Variants in MAF observed in about 807,000 individuals in gnomAD.
The protein encoded by MAF is MAF bZIP transcription factor.
In MAF, 10 loss-of-function variants were observed where a neutral mutation model predicts 22.0. The observed-to-expected ratio is 0.45, with a 90% CI of 0.28 to 0.77. The LOEUF is 0.77. MAF is among the 30% of genes least tolerant of loss of function. The pLI is 0.12. For missense variants in MAF, 544 were observed against 548.4 expected (o/e 0.99, Z 0.08); for synonymous variants, 337 against 255.8 (o/e 1.32, Z -3.03).
At chr16:79,569,322 C>G in the MAF span, among the ~76,000 whole-genome samples, 1 of 152,172 alleles carries the variant, frequency 6.6e-6, no homozygotes, top group African/African-American at 2.4e-5. Flanking sequence ...CAGACATTGC[C>G]AAATGTCCCT....
chr16:79,310,385 G>C, the MAF span, among the ~76,000 whole-genome samples: 1 of 151,898 alleles, frequency 6.6e-6, no homozygotes, highest in Non-Finnish European at 1.5e-5. Flanking sequence ...CAGAGAGTAA[G>C]AGAGAGAGAG....
the MAF span, among the ~76,000 whole-genome samples, chr16:79,351,300 T>A: frequency 2.0e-5 from 3 of 152,126 alleles, no homozygotes; most frequent in African/African-American, 7.2e-5. Flanking sequence ...TAACAAGGAG[T>A]AGAGGTAGCT....
the MAF span, among the ~76,000 whole-genome samples, chr16:79,365,905 G>A: frequency 6.6e-5 from 10 of 152,356 alleles, 1 homozygote; most frequent in Admixed American, 6.5e-5. Context: ...GAACTCATTA[G>A]TATGTGATCA....
At chr16:79,338,859 C>T in the MAF span, among the ~76,000 whole-genome samples, 2 of 152,114 alleles carry the variant, frequency 1.3e-5, no homozygotes, top group Non-Finnish European at 2.9e-5. Flanking sequence ...GGTGAGCTGT[C>T]CACCTGTGGC....
At chr16:79,445,535 G>C in the MAF span, among the ~76,000 whole-genome samples, 2 of 152,224 alleles carry the variant, frequency 1.3e-5, no homozygotes, top group East Asian at 1.9e-4. Context: ...TGTAAGTCCA[G>C]AGTTCAGGTG....
the MAF span, among the ~76,000 whole-genome samples, chr16:79,361,505 C>G: frequency 6.6e-6 from 1 of 152,146 alleles, no homozygotes; most frequent in Admixed American, 6.6e-5. Context: ...GCACTTTCCC[C>G]CGGATTGAAT....
the MAF span, among the ~76,000 whole-genome samples, chr16:79,484,480 A>C: frequency 6.6e-6 from 1 of 152,216 alleles, no homozygotes; most frequent in Non-Finnish European, 1.5e-5. Context: ...CACAGGGCTG[A>C]GTCCTTACCA....
At chr16:79,234,736 C>A in the MAF span, among the ~76,000 whole-genome samples, 2 of 152,060 alleles carry the variant, frequency 1.3e-5, no homozygotes, top group African/African-American at 4.8e-5. Context: ...GATACCACCC[C>A]CAGCTGTGGA....
chr16:79,437,460 C>G, the MAF span, among the ~76,000 whole-genome samples: 1 of 152,066 alleles, frequency 6.6e-6, no homozygotes, highest in African/African-American at 2.4e-5. Flanking sequence ...TCAAGAATGT[C>G]TCAACTTCAT....
the MAF span, among the ~76,000 whole-genome samples, chr16:79,459,709 A>C: frequency 1.3e-5 from 2 of 151,740 alleles, no homozygotes; most frequent in African/African-American, 4.8e-5. Context: ...ACTAGCTGGG[A>C]CTACAGGTGC....
the MAF span, among the ~76,000 whole-genome samples, chr16:79,368,611 C>T: frequency 3.9e-5 from 6 of 152,140 alleles, no homozygotes; most frequent in Non-Finnish European, 8.8e-5. Context: ...CAAACAGCCT[C>T]CAAGTCCCCA....
chr16:79,568,733 A>G, the MAF span, among the ~76,000 whole-genome samples: 1 of 152,144 alleles, frequency 6.6e-6, no homozygotes, highest in Non-Finnish European at 1.5e-5. Flanking sequence ...CTTTTAGTGG[A>G]CCTACAAATT....
chr16:79,343,257 T>C, the MAF span, among the ~76,000 whole-genome samples: 1 of 150,396 alleles, frequency 6.6e-6, no homozygotes, highest in Non-Finnish European at 1.5e-5. Context: ...CAAAAAAATC[T>C]ATGTGTGTGC....
the MAF span, among the ~76,000 whole-genome samples, chr16:79,211,034 A>AGTGTGTGTGTGTGTGT: frequency 0.019 from 2,904 of 149,674 alleles, 53 homozygotes; most frequent in South Asian, 0.032. Context: ...TATGGTGAGG[A>AGTGTGTGTGTGTGTGT]GTGTGTGTGT....
At chr16:79,372,494 C>T in the MAF span, among the ~76,000 whole-genome samples, 4 of 152,146 alleles carry the variant, frequency 2.6e-5, no homozygotes, top group Non-Finnish European at 5.9e-5. Flanking sequence ...ATATCTGAAA[C>T]AGTTTTCTTG....
the MAF span, among the ~76,000 whole-genome samples, chr16:79,241,274 C>A: frequency 6.6e-6 from 1 of 151,902 alleles, no homozygotes; most frequent in Non-Finnish European, 1.5e-5. Context: ...TAACCCAACG[C>A]AAGGAAGCTA....
intron 1 of MAF, chr16:79,597,711 C>T: frequency 3.9e-6 from 4 of 1,019,822 alleles, no homozygotes; most frequent in Non-Finnish European, 4.7e-6. Flanking sequence ...AGTATGAATG[C>T]CATGCTATAA....
the MAF span, among the ~76,000 whole-genome samples, chr16:79,475,122 T>A: frequency 6.6e-6 from 1 of 152,210 alleles, no homozygotes; most frequent in South Asian, 2.1e-4. Flanking sequence ...AGCTCAGCAG[T>A]GTCCCTTCTC....
chr16:79,270,726 G>A, the MAF span, among the ~76,000 whole-genome samples: 1 of 152,134 alleles, frequency 6.6e-6, no homozygotes, highest in Non-Finnish European at 1.5e-5. Flanking sequence ...ATTTGTGTGG[G>A]CTGAAGTCCA....
Sources: gnomAD v4.1 joint callset for allele counts (sites outside exome capture counted in the v4.1 genomes callset) on GRCh38, gnomAD v4.1.1 for gene constraint, MANE v1.5 for transcripts, NCBI Gene and HGNC (gene_info 2026-07-23, HGNC 2026-07-21) for gene names.